Variants in GSTM2 observed in about 807,000 individuals in gnomAD.
The protein encoded by GSTM2 is GST class-mu 2.
In GSTM2, 33 loss-of-function variants were observed where a neutral mutation model predicts 33.3. The ratio of observed to expected loss-of-function variants is 0.99; its 90% CI spans 0.75 to 1.33. The LOEUF (loss-of-function observed/expected upper bound fraction) is 1.33. GSTM2 is among the 40% of genes most tolerant of loss of function. The probability of loss-of-function intolerance (pLI) is 0.00; values close to 1 mark genes in which losing one functional copy is unlikely to be tolerated. For missense variants in GSTM2, 213 were observed against 265.8 expected, an observed-to-expected ratio of 0.80 and a Z score of 1.38; for synonymous variants, 93 against 95.6, an observed-to-expected ratio of 0.97 and a Z score of 0.16.
chr1:109,668,894 G>A (rs1647426886), intron 2 of GSTM2, 31 bp from the exon 3 acceptor site: 2 of 1,612,044 alleles, frequency 1.2e-6, no homozygotes, highest in East Asian at 2.2e-5. Context: ...CTTTGGGGAG[G>A]TTTGTTTTCA....
At position 109,671,582 on chromosome 1, in the gene GSTM2, A is replaced by G. The variant is rs753066473; in HGVS notation, c.566A>G (p.Glu189Gly). 7 of 1,513,008 alleles carry G rather than the reference A, an allele frequency of 4.6e-6. No individual in the cohort carries two copies. The South Asian group carries it at 7.9e-5, about 17-fold the overall frequency. The allele number at this position is 1,513,008 out of a possible 1,614,324, so 93.7% of individuals were successfully genotyped here. Residue 189 changes from glutamate to glycine, a missense_variant and splice_region_variant, in exon 7 of 8, where the codon GAG becomes GGG. Physicochemically the swap from Glu to Gly is moderately conservative, Grantham distance 98. Coordinates refer to ENST00000241337, the MANE Select transcript of GSTM2 (RefSeq NM_000848.4). ...PNLKDFISRF[E>G]GLEKISAYMK... ...CTGAAGGACTTCATCTCCCGATTTG[A>G]GGTGATGCCCCCAGCCTCCTTTCTC...
Position 109,671,289 on chromosome 1 carries a change from G to C in GSTM2, c.363G>C (p.Glu121Asp). The change falls in exon 6 of 8, where the codon GAG becomes GAC. Residue 121 changes from glutamate to aspartate, a missense_variant and splice_region_variant. By Grantham distance (45) the Glu-to-Asp change is conservative (BLOSUM62 2). Transcript: ENST00000241337. ...TTGACAGCTGTTTTCTGCCTCAGGA[G>C]AAACTGAAACCAGAATACCTGCAGG... ...LAKLCYDPDFEKLKPEYLQAL... is the reference protein window; with the variant it reads ...LAKLCYDPDFDKLKPEYLQAL... 2 of 1,611,370 alleles carry C rather than the reference G, an allele frequency of 1.2e-6. No individual in the cohort carries two copies. Among genetic ancestry groups the C allele is most frequent in the Non-Finnish European group, 8.5e-7 (1 of 1,177,500 alleles).
chr1:109,669,796 G>A (rs1647465641), intron 5 of GSTM2: 3 of 534,498 alleles, frequency 5.6e-6, no homozygotes, highest in Non-Finnish European at 6.7e-6. Context: ...TCTTCCTTCC[G>A]GTGGGTTTGT....
chr1:109,669,895 T>C, intron 5 of GSTM2: 1 of 285,952 alleles, frequency 3.5e-6, no homozygotes, highest in Non-Finnish European at 6.6e-6. Context: ...TGTTTATTCC[T>C]CTTGGTGGGT....
At position 109,671,364 on chromosome 1, in the gene GSTM2, A is replaced by G. The variant is rs923201779; in HGVS notation, c.438A>G (p.Pro146=). 2 of 1,613,710 alleles carry G rather than the reference A, an allele frequency of 1.2e-6. No homozygotes were observed. The highest frequency in any genetic ancestry group is 1.7e-6 in the Non-Finnish European group (2 of 1,179,576). Residue 146 remains proline (P), a synonymous_variant, in exon 6 of 8, where the codon CCA becomes CCG. Coordinates refer to ENST00000241337, the MANE Select transcript of GSTM2 (RefSeq NM_000848.4). ...KLYSQFLGKQ[P]WFLGDKITFV... is the part of the protein sequence containing the mutation. ...ACTCACAGTTTCTGGGGAAGCAGCC[A>G]TGGTTTCTTGGGGACAAGGTAATGG...
At chr1:109,679,135 C>T (rs567576595), downstream of GSTM2, among the ~76,000 whole-genome samples, 16 of 152,030 alleles carry the variant, frequency 1.1e-4, no homozygotes, top group Admixed American at 2.6e-4. Flanking sequence ...CTTAGGAGAT[C>T]GCGATTTCAT....
At chr1:109,673,072 G>A (rs1187115136) in intron 7 of GSTM2, 1 of 1,042,912 alleles carries the variant, frequency 9.6e-7, no homozygotes, top group East Asian at 2.7e-5. Context: ...GTTTTGCTAT[G>A]TTGGCCAGGC....
At position 109,668,085 on chromosome 1, in the gene GSTM2, C is replaced by T; in HGVS notation, c.-31C>T. On this transcript the variant is annotated 5_prime_UTR_variant, in exon 1 of 8. Coordinates refer to ENST00000241337, the MANE Select transcript of GSTM2 (RefSeq NM_000848.4). ...AACGCTGAGCCCCGCCCCGCTGAGGCCTGTCTGCAGAATCCACAGCAACCA... is the reference window on the plus strand; with the variant it reads ...AACGCTGAGCCCCGCCCCGCTGAGGTCTGTCTGCAGAATCCACAGCAACCA... The T allele has an allele frequency of 6.2e-7, 1 of 1,612,656 alleles. No individual in the cohort carries two copies. Among genetic ancestry groups the T allele is most frequent in the South Asian group, 1.1e-5 (1 of 91,072 alleles).
At chr1:109,673,442 GC>G (rs1647614916) in intron 7 of GSTM2, 4 of 638,234 alleles carry the variant, frequency 6.3e-6, no homozygotes, top group African/African-American at 5.5e-5. Flanking sequence ...TGTCCAACAG[GC>G]TTCTGAGCCT....
chr1:109,669,408 G>A (rs776911254), intron 4 of GSTM2, 37 bp downstream of exon 4: 66 of 1,612,926 alleles, frequency 4.1e-5, no homozygotes, highest in Non-Finnish European at 5.5e-5. Context: ...GGGAGGGACC[G>A]TGGCCTCCTC....
downstream of GSTM2, among the ~76,000 whole-genome samples, chr1:109,676,477 G>C (rs577950088): frequency 5.0e-4 from 76 of 151,978 alleles, no homozygotes; most frequent in African/African-American, 1.7e-3. Context: ...TCAGCCTCCC[G>C]AGTAGCTGGG....
chr1:109,669,243 G>A, intron 3 of GSTM2, 47 bp from the exon 4 acceptor site: 1 of 1,606,498 alleles, frequency 6.2e-7, no homozygotes, highest in Non-Finnish European at 8.5e-7. Context: ...GGGATGCTGG[G>A]GAGCCTGGTG....
downstream of GSTM2, among the ~76,000 whole-genome samples, chr1:109,678,870 G>T (rs180849288): frequency 6.6e-6 from 1 of 151,642 alleles, no homozygotes; most frequent in East Asian, 1.9e-4. Context: ...ATTTTGCCTA[G>T]TCATTCTTAT....
chr1:109,669,489 A>G lies in GSTM2; in HGVS notation c.278A>G (p.Glu93Gly). The G allele has an allele frequency of 6.2e-7, 1 of 1,613,964 alleles. No individual in the cohort carries two copies. Among genetic ancestry groups the G allele is most frequent in the Non-Finnish European group, 8.5e-7 (1 of 1,179,892 alleles). The change falls in exon 5 of 8, where the codon GAG becomes GGG. Residue 93 changes from glutamate to glycine, a missense_variant. Physicochemically the swap from Glu to Gly is moderately conservative, Grantham distance 98. Transcript: ENST00000241337. The part of the protein sequence containing the change: ...KHNLCGESEK[E>G]QIREDILENQ... ...AGGGTAGGCGGGGAATCAGAAAAGG[A>G]GCAGATTCGCGAAGACATTTTGGAG...
intron 7 of GSTM2, among the ~76,000 whole-genome samples, chr1:109,672,497 G>T (rs1017654310): frequency 9.9e-5 from 15 of 152,186 alleles, no homozygotes; most frequent in African/African-American, 3.4e-4. Context: ...AGGCTGTGCT[G>T]GGCTCCCTGC....
At chr1:109,668,323 G>A (rs1647408827) in intron 1 of GSTM2, 102 bp from the exon 2 acceptor site, 5 of 1,425,940 alleles carry the variant, frequency 3.5e-6, no homozygotes, top group Non-Finnish European at 4.0e-6. Flanking sequence ...GGGGGCGGGT[G>A]AGGCAGGAAC....
Position 109,674,799 on chromosome 1 carries a change from C to T in GSTM2, c.620C>T (p.Pro207Leu). The T allele has an allele frequency of 5.0e-6, 8 of 1,614,232 alleles. No homozygotes were observed. The South Asian group carries it at 5.5e-5, about 11-fold the overall frequency. The change falls in exon 8 of 8, where the codon CCT becomes CTT. Residue 207 changes from proline to leucine, a missense_variant. By Grantham distance (98) the Pro-to-Leu change is moderately conservative. Transcript: ENST00000241337. ...AAGTCCAGCCGCTTCCTCCCAAGAC[C>T]TGTGTTCACAAAGATGGCTGTCTGG... Reference protein sequence around the residue: ...YMKSSRFLPRPVFTKMAVWGN... With the variant: ...YMKSSRFLPRLVFTKMAVWGN...
chr1:109,670,489 C>T (rs928751108), intron 5 of GSTM2, among the ~76,000 whole-genome samples: 1 of 152,116 alleles, frequency 6.6e-6, no homozygotes, highest in African/African-American at 2.4e-5. Context: ...ACCCCAAAGT[C>T]GTGTCAAATA....
At chr1:109,669,420 T>G (rs1647449137) in intron 4 of GSTM2, 49 bp downstream of exon 4, 1 of 1,613,102 alleles carries the variant, frequency 6.2e-7, no homozygotes, top group Non-Finnish European at 8.5e-7. Flanking sequence ...GGCCTCCTCC[T>G]CGGCTTGGCT....
Sources: allele counts gnomAD v4.1 joint callset (sites outside exome capture counted in the v4.1 genomes callset), GRCh38; gene constraint gnomAD v4.1.1; transcripts MANE v1.5; gene names NCBI Gene and HGNC (gene_info 2026-07-23, HGNC 2026-07-21).